Variants in DEPDC7 observed in about 807,000 individuals in gnomAD.
DEPDC7 encodes DEP domain containing 7, also known as DEP domain-containing protein 7.
DEPDC7 carries 41 observed loss-of-function variants against 56.6 expected under a neutral mutation model. That is an observed-to-expected ratio of 0.72 (90% CI 0.56 to 0.94). The LOEUF (loss-of-function observed/expected upper bound fraction) is 0.94. Ranked by LOEUF, DEPDC7 falls within the 40% of genes least tolerant of loss-of-function variation. The pLI is 0.00. For synonymous variants in DEPDC7, 185 were observed against 208.8 expected, an observed-to-expected ratio of 0.89 and a Z score of 0.98; for missense variants, 522 against 596.3, an observed-to-expected ratio of 0.88 and a Z score of 1.30.
At chr11:33,016,120 C>T in intron 1 of DEPDC7, 92 bp downstream of exon 1, 1 of 1,245,494 alleles carries the variant, frequency 8.0e-7, no homozygotes. Context: ...GTGGGGCGTT[C>T]GGCCGCCTGC....
Position 33,018,334 on chromosome 11 carries a change from C to T in DEPDC7, c.73+2306C>T, listed in dbSNP as rs112969042. The stretch of plus-strand genomic sequence containing the variant: ...TTTTGGTTACTATCCAACAAATGTC[C>T]TTTTTCTTTGTTGTCTTGACAATTC... On this transcript the variant is annotated intron_variant, in intron 1 of 8. Transcript: ENST00000241051. 4.3e-3 allele frequency among the ~76,000 whole-genome samples: 649 copies of T among 152,200 alleles called. 6 individuals carry two copies. The highest frequency in any genetic ancestry group is 0.015 in the African/African-American group (626 of 41,536).
At chr11:33,026,130 A>T in intron 2 of DEPDC7, 81 bp downstream of exon 2, 1 of 1,503,556 alleles carries the variant, frequency 6.7e-7, no homozygotes, top group Non-Finnish European at 9.2e-7. Context: ...CTGGCTTTAT[A>T]TTACATTTTT....
In DEPDC7 at chr11:33,026,060, A is replaced by G; in HGVS notation, c.464+11A>G. On this transcript the variant is annotated intron_variant, in intron 2 of 8. Coordinates refer to ENST00000241051, the MANE Select transcript of DEPDC7 (RefSeq NM_001077242.2). ...ATATTCACCTGCCAGGTTGGTATAT[A>G]ATGTTAGATTATCACGGGAATATTG... The G allele has an allele frequency of 6.2e-7, 1 of 1,613,528 alleles. No homozygotes were observed. The highest frequency in any genetic ancestry group is 1.1e-5 in the South Asian group (1 of 91,032).
At chr11:33,028,095 T>C (rs1000894857) in intron 3 of DEPDC7, 2 of 260,694 alleles carry the variant, frequency 7.7e-6, no homozygotes, top group Non-Finnish European at 1.4e-5. Context: ...TGCTCTCCGA[T>C]GTTTCTTTTC....
At chr11:33,017,724 G>A (rs1158901495) in intron 1 of DEPDC7, among the ~76,000 whole-genome samples, 3 of 152,156 alleles carry the variant, frequency 2.0e-5, no homozygotes, top group Non-Finnish European at 4.4e-5. Context: ...GCTCTGGCAG[G>A]CAGCTTTGTA....
chr11:33,027,116 G>C (rs1409279351), intron 2 of DEPDC7, among the ~76,000 whole-genome samples: 3 of 152,164 alleles, frequency 2.0e-5, no homozygotes, highest in African/African-American at 7.2e-5. Flanking sequence ...AAGTTATCTT[G>C]TACATTTATG....
chr11:33,021,844 A>G (rs1853527419), intron 1 of DEPDC7, among the ~76,000 whole-genome samples: 1 of 152,192 alleles, frequency 6.6e-6, no homozygotes, highest in Non-Finnish European at 1.5e-5. Context: ...GCAGTGTTAT[A>G]CAACCTGCAG....
At chr11:33,021,262 A>AG (rs1192205130) in intron 1 of DEPDC7, among the ~76,000 whole-genome samples, 1 of 151,648 alleles carries the variant, frequency 6.6e-6, no homozygotes, top group Non-Finnish European at 1.5e-5. Context: ...AAAAAAAAAA[A>AG]GAAAAAAAAG....
At position 33,027,751 on chromosome 11, in the gene DEPDC7, A is replaced by G; in HGVS notation, c.530A>G (p.Asn177Ser). The change falls in exon 3 of 9, where the codon AAT (asparagine) becomes AGT (serine). Residue 177 changes from asparagine to serine, a missense_variant. By Grantham distance (46) the Asn-to-Ser change is conservative. Transcript: ENST00000241051. ...GCCAGTTTAGAGGACCTGTGGGAAA[A>G]TCTGAGTTTAAAGCCTGCCAACTCC... is the stretch of plus-strand genomic sequence containing the variant. Reference protein sequence around the residue: ...RSASLEDLWENLSLKPANSPH... With the variant: ...RSASLEDLWESLSLKPANSPH... 6.3e-7 allele frequency: 1 copy of G among 1,579,042 alleles called. No individual in the cohort carries two copies.
At chr11:33,032,082 T>C (rs1853638865) in intron 5 of DEPDC7, among the ~76,000 whole-genome samples, 1 of 152,246 alleles carries the variant, frequency 6.6e-6, no homozygotes, top group African/African-American at 2.4e-5. Flanking sequence ...AATGGGATTT[T>C]ATCCACAAAG....
At chr11:33,027,884 A>C in intron 3 of DEPDC7, 71 bp downstream of exon 3, 1 of 1,393,088 alleles carries the variant, frequency 7.2e-7, no homozygotes, top group Non-Finnish European at 9.5e-7. Flanking sequence ...TTTTAATCTT[A>C]ATCTTTATTA....
chr11:33,015,944 G>T lies in DEPDC7; in HGVS notation c.-12G>T. On this transcript the variant is annotated 5_prime_UTR_variant, in exon 1 of 9. Coordinates refer to ENST00000241051, the MANE Select transcript of DEPDC7 (RefSeq NM_001077242.2). The stretch of plus-strand genomic sequence containing the variant: ...AGCTGCTGGAGGAGTTGGCGTCCGG[G>T]GAGCAAGGGCCATGGCCACCGTGCA... 1 of 1,570,612 alleles carries T rather than the reference G, an allele frequency of 6.4e-7. No individual in the cohort carries two copies.
chr11:33,016,309 T>G (rs767039472), intron 1 of DEPDC7: 12 of 1,398,444 alleles, frequency 8.6e-6, no homozygotes, highest in Non-Finnish European at 1.1e-5. Context: ...CGTTGGTCTG[T>G]GCGCCCGCTA....
intron 1 of DEPDC7, chr11:33,016,316 G>T (rs1310695951): frequency 2.2e-6 from 3 of 1,390,644 alleles, no homozygotes; most frequent in Non-Finnish European, 2.8e-6. Flanking sequence ...CTGTGCGCCC[G>T]CTAACGTGCC....
intron 1 of DEPDC7, chr11:33,016,576 G>C: frequency 6.2e-7 from 1 of 1,614,100 alleles, no homozygotes; most frequent in Non-Finnish European, 8.5e-7. Flanking sequence ...GCAGGAATTT[G>C]GCATAAAAGG....
chr11:33,026,991 A>C (rs1853586002), intron 2 of DEPDC7, among the ~76,000 whole-genome samples: 1 of 152,186 alleles, frequency 6.6e-6, no homozygotes, highest in Non-Finnish European at 1.5e-5. Context: ...GTAGAAAGGA[A>C]ATATGAGGAT....
In DEPDC7 at chr11:33,025,808, A is replaced by AT. The variant is rs765946746; in HGVS notation, c.229dup (p.Ser77PhefsTer7). 1.9e-6 allele frequency: 3 copies of AT among 1,614,124 alleles called. No homozygotes were observed. In the East Asian group the frequency reaches 6.7e-5, roughly 36 times the overall value. On this transcript the variant is annotated frameshift_variant, in exon 2 of 9. Coordinates refer to ENST00000241051, the MANE Select transcript of DEPDC7 (RefSeq NM_001077242.2). LOFTEE classifies it high-confidence loss of function. ...TGTTGGTTCAGAAGCTGTGGATGTC[A>AT]TTTTTTCTCACCTAATTCAGAATAA...
chr11:33,015,996 C>T lies in DEPDC7; in HGVS notation c.41C>T (p.Ser14Leu), dbSNP rs866505323. Residue 14 changes from serine (S) to leucine (L), a missense_variant, in exon 1 of 9, where the codon TCG becomes TTG. Ser to Leu is a moderately radical substitution (Grantham distance 145). Coordinates refer to ENST00000241051, the MANE Select transcript of DEPDC7 (RefSeq NM_001077242.2). ...VQEKAAALNLSALHSPAHRPP... is the reference protein window; with the variant it reads ...VQEKAAALNLLALHSPAHRPP... ...GAGAAGGCTGCTGCGCTGAACCTCT[C>T]GGCTCTCCACAGCCCCGCGCACAGG... 3 of 1,570,728 alleles carry T rather than the reference C, an allele frequency of 1.9e-6. No homozygotes were observed. Among genetic ancestry groups the T allele is most frequent in the Non-Finnish European group, 2.6e-6 (3 of 1,159,212 alleles).
chr11:33,025,544 G>C, intron 1 of DEPDC7, 115 bp from the exon 2 acceptor site: 1 of 984,270 alleles, frequency 1.0e-6, no homozygotes, highest in Non-Finnish European at 1.5e-6. Context: ...CCTCATAATT[G>C]CTCCTTATCA....
Sources: allele counts gnomAD v4.1 joint callset (sites outside exome capture counted in the v4.1 genomes callset), GRCh38; gene constraint gnomAD v4.1.1; transcripts MANE v1.5; gene names NCBI Gene and HGNC (gene_info 2026-07-23, HGNC 2026-07-21).